NAPA: variants seen among roughly 807,000 people sequenced by gnomAD.
NAPA encodes alpha-soluble NSF attachment protein.
In NAPA, 18 loss-of-function variants were observed where a neutral mutation model predicts 48.0. The ratio of observed to expected loss-of-function variants is 0.38; its 90% CI spans 0.26 to 0.56. NAPA has a LOEUF of 0.56. Ranked by LOEUF, NAPA falls within the 20% of genes least tolerant of loss-of-function variation. The pLI is 0.77. For synonymous variants in NAPA, 152 were observed against 149.9 expected (o/e 1.01, Z -0.10); for missense variants, 315 against 385.0 (o/e 0.82, Z 1.52).
intron 1 of NAPA, chr19:47,512,693 T>C (rs755944914): frequency 6.6e-6 from 1 of 152,266 alleles, no homozygotes; most frequent in Non-Finnish European, 1.5e-5. Context: ...TCGCAGCCTC[T>C]AAAATAAAAC....
intron 7 of NAPA, 35 bp from the exon 8 acceptor site, chr19:47,492,154 G>A (rs1368190061): frequency 1.9e-6 from 3 of 1,586,644 alleles, no homozygotes; most frequent in Non-Finnish European, 2.6e-6. Context: ...GGTGAGCTCA[G>A]GGCAAGCAGC....
intron 1 of NAPA, among the ~76,000 whole-genome samples, chr19:47,509,431 C>T (rs1968762898): frequency 6.6e-6 from 1 of 152,194 alleles, no homozygotes; most frequent in African/African-American, 2.4e-5. Context: ...GTGTGCCAGC[C>T]TGCGTTTCCT....
downstream of NAPA, among the ~76,000 whole-genome samples, chr19:47,486,061 A>C (rs1968066704): frequency 6.6e-6 from 1 of 152,206 alleles, no homozygotes; most frequent in Admixed American, 6.5e-5. Context: ...TTTTAACAAA[A>C]CAAACCAAAA....
At chr19:47,492,818 G>A (rs1450988971) in intron 7 of NAPA, 143 bp downstream of exon 7, 2 of 770,854 alleles carry the variant, frequency 2.6e-6, no homozygotes, top group Non-Finnish European at 4.5e-6. Flanking sequence ...AGGGTGGGGG[G>A]ATGACATGGC....
intron 1 of NAPA, among the ~76,000 whole-genome samples, chr19:47,513,811 C>A (rs1449834831): frequency 6.6e-6 from 1 of 151,304 alleles, no homozygotes; most frequent in African/African-American, 2.4e-5. Flanking sequence ...CCAGCCTCAA[C>A]CCAGGCCTCC....
Position 47,488,209 on chromosome 19 carries a change from A to C in NAPA, c.*79T>G. 2 of 1,344,112 alleles carry C rather than the reference A, an allele frequency of 1.5e-6. No individual in the cohort carries two copies. Among genetic ancestry groups the C allele is most frequent in the Non-Finnish European group, 1.0e-6 (1 of 960,422 alleles). 83.3% of individuals were successfully genotyped at this position (1,344,112 alleles called of 1,614,324 possible). A position where few individuals can be genotyped will look rare whatever the true frequency, so the allele number is the denominator to read the frequency against. On this transcript the variant is annotated 3_prime_UTR_variant, in exon 11 of 11. Transcript: ENST00000263354. ...CACTCCCCAGATGGGAAAGGAGGGA[A>C]GCTCTCCAGCAAGTCTCGGCCCCAC...
intron 3 of NAPA, among the ~76,000 whole-genome samples, chr19:47,498,586 T>C (rs1367075960): frequency 5.3e-5 from 8 of 152,198 alleles, no homozygotes; most frequent in Non-Finnish European, 1.5e-5. Flanking sequence ...TGACATTCTC[T>C]GTGAGGCTTT....
At chr19:47,492,430 T>G in intron 7 of NAPA, 1 of 432,992 alleles carries the variant, frequency 2.3e-6, no homozygotes, top group Non-Finnish European at 4.3e-6. Context: ...AACGGGAGGC[T>G]GGCATGGCGG....
intron 9 of NAPA, among the ~76,000 whole-genome samples, chr19:47,490,108 C>T (rs1176452239): frequency 8.1e-6 from 1 of 123,420 alleles, no homozygotes; most frequent in African/African-American, 3.2e-5. Context: ...TGTAGGGGCA[C>T]GTGTGGTGTT....
intron 2 of NAPA, among the ~76,000 whole-genome samples, chr19:47,500,990 A>G (rs1313634309): frequency 6.6e-6 from 1 of 152,100 alleles, no homozygotes; most frequent in Non-Finnish European, 1.5e-5. Context: ...ACAGTCTCTG[A>G]GGGCGGCAGG....
At chr19:47,489,840 A>G (rs1968191183) in intron 9 of NAPA, 79 bp from the exon 10 acceptor site, 2 of 1,484,970 alleles carry the variant, frequency 1.3e-6, no homozygotes, top group African/African-American at 1.4e-5. Context: ...AGGACACGCT[A>G]TCTGTATGCC....
chr19:47,513,941 C>CT (rs11400615), intron 1 of NAPA, among the ~76,000 whole-genome samples: 125,647 of 146,668 alleles, frequency 0.86, 55,124 homozygotes, highest in Non-Finnish European at 0.95. Flanking sequence ...CCTCTACCTC[C>CT]GGGTTCAAGT....
intron 1 of NAPA, among the ~76,000 whole-genome samples, chr19:47,508,779 T>C (rs1968744483): frequency 6.6e-6 from 1 of 151,882 alleles, no homozygotes; most frequent in South Asian, 2.1e-4. Context: ...TGAGATTCCA[T>C]TCTTTATCTA....
intron 1 of NAPA, among the ~76,000 whole-genome samples, chr19:47,512,177 C>G (rs1470754110): frequency 6.6e-6 from 1 of 152,164 alleles, no homozygotes. Context: ...GCCTCTCCCC[C>G]AGGAAGCCAT....
At chr19:47,492,783 G>T (rs1211820769) in intron 7 of NAPA, 178 bp downstream of exon 7, 2 of 711,908 alleles carry the variant, frequency 2.8e-6, no homozygotes, top group Non-Finnish European at 2.5e-6. Context: ...GTCGTAGGTG[G>T]AGAACATTCA....
intron 4 of NAPA, among the ~76,000 whole-genome samples, chr19:47,494,316 A>G (rs1360254166): frequency 6.6e-6 from 1 of 152,216 alleles, no homozygotes; most frequent in Non-Finnish European, 1.5e-5. Flanking sequence ...TGTCTGGCCT[A>G]ATAAATGGCA....
chr19:47,514,955 G>C lies in NAPA; in HGVS notation c.-15C>G, dbSNP rs769636570. On this transcript the variant is annotated 5_prime_UTR_variant, in exon 1 of 11. Coordinates refer to ENST00000263354, the MANE Select transcript of NAPA (RefSeq NM_003827.4). ...GAATTGTCCATGGCGGCCACAAAGG[G>C]ACTCAGCAAAGCGCCTGACCCTGAC... is the stretch of plus-strand genomic sequence containing the variant. 29 of 1,612,948 alleles carry C rather than the reference G, an allele frequency of 1.8e-5. No individual in the cohort carries two copies. Among genetic ancestry groups the C allele is most frequent in the African/African-American group, 1.3e-5 (1 of 74,916 alleles).
At chr19:47,511,397 C>T (rs1336321182) in intron 1 of NAPA, among the ~76,000 whole-genome samples, 3 of 152,208 alleles carry the variant, frequency 2.0e-5, no homozygotes, top group African/African-American at 7.2e-5. Flanking sequence ...GCCCTAACCT[C>T]ACTCATACTC....
Position 47,493,541 on chromosome 19 carries a change from G to A in NAPA, c.343-48C>T, listed in dbSNP as rs370648644. On this transcript the variant is annotated intron_variant, in intron 4 of 10. Transcript: ENST00000263354. The surrounding 1 kb of genome is among the most constrained non-coding windows in gnomAD (Gnocchi z 6.4). ...CTGCCTGCGACTCATGACCTCCTGCGTGCCTGCCTGCTGACCTATGACCCT... is the reference window on the plus strand; with the variant it reads ...CTGCCTGCGACTCATGACCTCCTGCATGCCTGCCTGCTGACCTATGACCCT... The A allele has an allele frequency of 9.4e-5, 146 of 1,546,716 alleles. No individual in the cohort carries two copies. Among genetic ancestry groups the A allele is most frequent in the African/African-American group, 1.2e-4 (9 of 73,658 alleles).
Sources: allele counts gnomAD v4.1 joint callset (sites outside exome capture counted in the v4.1 genomes callset), GRCh38; gene constraint gnomAD v4.1.1; non-coding constraint Gnocchi (gnomAD v3.1); transcripts MANE v1.5; gene names NCBI Gene and HGNC (gene_info 2026-07-23, HGNC 2026-07-21).